Variants in DOK6 observed in about 807,000 individuals in gnomAD.
The protein encoded by DOK6 is downstream of tyrosine kinase 6.
In DOK6, 22 loss-of-function variants were observed where a neutral mutation model predicts 44.0. The ratio of observed to expected loss-of-function variants is 0.50; its 90% CI spans 0.36 to 0.71. The LOEUF is 0.71. DOK6 is among the 30% of genes least tolerant of loss of function. DOK6 has a pLI of 0.00. For synonymous variants in DOK6, 166 were observed against 145.5 expected (o/e 1.14, Z -1.01); for missense variants, 340 against 416.4 (o/e 0.82, Z 1.60).
intron 4 of DOK6, among the ~76,000 whole-genome samples, chr18:69,685,197 T>G (rs1986125187): frequency 6.6e-6 from 1 of 152,196 alleles, no homozygotes; most frequent in African/African-American, 2.4e-5. Context: ...GGGATTTCAT[T>G]TTTTGGTATA....
chr18:69,483,066 A>G (rs1722189267), intron 1 of DOK6, among the ~76,000 whole-genome samples: 1 of 151,712 alleles, frequency 6.6e-6, no homozygotes, highest in African/African-American at 2.4e-5. Flanking sequence ...GACAGGCCCC[A>G]GTGTGTATTG....
chr18:69,825,474 C>T, intron 7 of DOK6, among the ~76,000 whole-genome samples: 1 of 117,738 alleles, frequency 8.5e-6, no homozygotes, highest in Non-Finnish European at 1.6e-5. Context: ...CTTGCTCTGT[C>T]ACCCAGACTG....
At position 69,443,633 on chromosome 18, in the gene DOK6, C is replaced by A. The variant is rs142586800; in HGVS notation, c.66+42323C>A. ...CAGTCTAAACTCCTTAGTGTGACTT[C>A]AAAACCATTCAGGAGCCGTCTCTTA... is the stretch of plus-strand genomic sequence containing the variant. On this transcript the variant is annotated intron_variant, in intron 1 of 7. Coordinates refer to ENST00000382713, the MANE Select transcript of DOK6 (RefSeq NM_152721.6). Among the ~76,000 whole-genome samples the A allele has an allele frequency of 2.0e-5, 3 of 152,222 alleles. No homozygotes were observed. In the East Asian group the frequency reaches 5.8e-4, roughly 29 times the overall value.
chr18:69,472,098 C>T (rs1158898742), intron 1 of DOK6, among the ~76,000 whole-genome samples: 1 of 152,136 alleles, frequency 6.6e-6, no homozygotes, highest in African/African-American at 2.4e-5. Flanking sequence ...CATAAATATT[C>T]CCATTTTACT....
Position 69,599,379 on chromosome 18 carries a change from TCAAGG to T in DOK6, c.175-4_175del, listed in dbSNP as rs1273401409. 3 of 1,606,862 alleles carry T rather than the reference TCAAGG, an allele frequency of 1.9e-6. No individual in the cohort carries two copies. Among genetic ancestry groups the T allele is most frequent in the Admixed American group, 3.4e-5 (2 of 58,588 alleles). ...CACTAAGTTAAATATATTTTTTCTT[TCAAGG>T]TAACTGAACTGCACAATATCAAAAA... On this transcript the variant is annotated splice_acceptor_variant and splice_polypyrimidine_tract_variant and coding_sequence_variant and intron_variant, in exon 3 of 8. Transcript: ENST00000382713. LOFTEE classifies it high-confidence loss of function.
intron 3 of DOK6, among the ~76,000 whole-genome samples, chr18:69,645,540 A>G (rs932949730): frequency 3.3e-5 from 5 of 152,174 alleles, no homozygotes; most frequent in Admixed American, 6.5e-5. Flanking sequence ...AGATTTTCAC[A>G]TTGGCTTACT....
Position 69,677,778 on chromosome 18 carries a change from C to G in DOK6, c.334C>G (p.Leu112Val). The G allele has an allele frequency of 6.2e-7, 1 of 1,613,750 alleles. No homozygotes were observed. Among genetic ancestry groups the G allele is most frequent in the Non-Finnish European group, 8.5e-7 (1 of 1,179,778 alleles). ...EWCKHLCMECLGTRLNDISLG... is the reference protein window; with the variant it reads ...EWCKHLCMECVGTRLNDISLG... ...GTGCAAGCACCTCTGCATGGAGTGT[C>G]TGGGGACCAGGCTCAATGATATCAG... Residue 112 changes from leucine (L) to valine (V), a missense_variant, in exon 4 of 8, where the codon CTG becomes GTG. By Grantham distance (32) the Leu-to-Val change is conservative. Around this residue, in one of 3 missense-constraint regions of DOK6, gnomAD observed 206 missense variants for 258.6 expected, o/e 0.80. Transcript: ENST00000382713.
rs150563578 is a variant in DOK6, at chr18:69,675,593, C to A, written c.290-2141C>A. Among the ~76,000 whole-genome samples, 127 of 151,932 alleles carry A rather than the reference C, an allele frequency of 8.4e-4. 6 individuals are homozygous for A. The East Asian group carries it at 0.023, about 28-fold the overall frequency. On this transcript the variant is annotated intron_variant, in intron 3 of 7. Transcript: ENST00000382713. The stretch of plus-strand genomic sequence containing the variant: ...TGACGAATTAATGGGTGCAGCACAC[C>A]AATATGGCACATGTATACATATGTA...
At chr18:69,605,578 C>T (rs531109454) in intron 3 of DOK6, among the ~76,000 whole-genome samples, 3 of 152,096 alleles carry the variant, frequency 2.0e-5, no homozygotes, top group East Asian at 3.9e-4. Flanking sequence ...AATGTAACAA[C>T]AATAAAAGGT....
At chr18:69,748,957 A>G (rs1007072938) in intron 6 of DOK6, among the ~76,000 whole-genome samples, 1 of 152,258 alleles carries the variant, frequency 6.6e-6, no homozygotes, top group African/African-American at 2.4e-5. Context: ...TATACATACC[A>G]TGAAATACTA....
chr18:69,737,949 T>C (rs1978669023), intron 5 of DOK6, among the ~76,000 whole-genome samples: 1 of 152,248 alleles, frequency 6.6e-6, no homozygotes, highest in Non-Finnish European at 1.5e-5. Flanking sequence ...CTGCTGCTCC[T>C]TACTCCTCTG....
At chr18:69,742,816 G>A (rs1383336563) in intron 6 of DOK6, among the ~76,000 whole-genome samples, 6 of 152,212 alleles carry the variant, frequency 3.9e-5, no homozygotes, top group African/African-American at 1.4e-4. Context: ...ATACCTCAAT[G>A]TATGTATGGG....
chr18:69,480,926 G>A (rs1367310080), intron 1 of DOK6, among the ~76,000 whole-genome samples: 3 of 152,100 alleles, frequency 2.0e-5, no homozygotes, highest in Non-Finnish European at 4.4e-5. Context: ...ACTCACATAC[G>A]GTCCTGAGAT....
rs890010192 is a variant in DOK6, at chr18:69,575,935, A to G, written c.174+11341A>G. Among the ~76,000 whole-genome samples, 8 of 152,262 alleles carry G rather than the reference A, an allele frequency of 5.3e-5. No individual in the cohort carries two copies. In the South Asian group the frequency reaches 1.0e-3, roughly 20 times the overall value. On this transcript the variant is annotated intron_variant, in intron 2 of 7. Transcript: ENST00000382713. Reference sequence around the variant, plus strand: ...TTGTCCAAGACCTAGACAATCAGCCATCAAGGCAAAAAAAATCACAGAAGT... The same window carrying G: ...TTGTCCAAGACCTAGACAATCAGCCGTCAAGGCAAAAAAAATCACAGAAGT...
chr18:69,506,182 A>G (rs887589238), intron 1 of DOK6, among the ~76,000 whole-genome samples: 1 of 152,164 alleles, frequency 6.6e-6, no homozygotes, highest in Non-Finnish European at 1.5e-5. Context: ...GGAAGTTATA[A>G]AGACTCTTTT....
chr18:69,494,179 AAAG>A (rs911211611), intron 1 of DOK6, among the ~76,000 whole-genome samples: 6 of 152,206 alleles, frequency 3.9e-5, no homozygotes, highest in African/African-American at 1.2e-4. Flanking sequence ...TAAGATTTTT[AAAG>A]AAGATTTGGT....
In DOK6 at chr18:69,757,353, C is replaced by A. The variant is rs182991483; in HGVS notation, c.739-403C>A. Among the ~76,000 whole-genome samples the A allele has an allele frequency of 9.7e-4, 147 of 152,250 alleles. 1 individual carries two copies. The highest frequency in any genetic ancestry group is 3.4e-3 in the African/African-American group (140 of 41,538). ...GTCTCTGCTTCTGAAGCAGCTGGCACCTTTACTTTTTTAGTTATTTTACAA... is the reference window on the plus strand; with the variant it reads ...GTCTCTGCTTCTGAAGCAGCTGGCAACTTTACTTTTTTAGTTATTTTACAA... On this transcript the variant is annotated intron_variant, in intron 6 of 7. Transcript: ENST00000382713.
intron 3 of DOK6, among the ~76,000 whole-genome samples, chr18:69,603,971 A>G (rs1599216701): frequency 2.0e-5 from 3 of 152,270 alleles, no homozygotes; most frequent in Admixed American, 2.0e-4. Flanking sequence ...TATTTTAACT[A>G]GGATAATTTC....
chr18:69,774,133 G>GATATATATATATATATAGATAT (rs1979981498), intron 7 of DOK6, among the ~76,000 whole-genome samples: 1 of 66,866 alleles, frequency 1.5e-5, no homozygotes, highest in Admixed American at 2.1e-4. Flanking sequence ...ATATATATGA[G>GATATATATATATATATAGATAT]ATATATATAT....
Sources: gnomAD v4.1 joint callset for allele counts (sites outside exome capture counted in the v4.1 genomes callset) on GRCh38, gnomAD v4.1.1 for gene constraint, gnomAD v4.1.1 regional missense constraint, MANE v1.5 for transcripts, NCBI Gene and HGNC (gene_info 2026-07-23, HGNC 2026-07-21) for gene names.